Variants in SBNO2 observed in about 807,000 individuals in gnomAD.
SBNO2 encodes protein strawberry notch homolog 2.
A neutral mutation model predicts 146.3 loss-of-function variants in SBNO2; 89 were observed. The ratio of observed to expected loss-of-function variants is 0.61; its 90% CI spans 0.51 to 0.73. The LOEUF (loss-of-function observed/expected upper bound fraction) is 0.73, where lower values mean the gene tolerates loss of function less well. SBNO2 is among the 30% of genes least tolerant of loss of function. SBNO2 has a pLI of 0.00. For missense variants in SBNO2, 2,092 were observed against 2,003.7 expected (o/e 1.04, Z -0.84); for synonymous variants, 1,147 against 892.6 (o/e 1.29, Z -5.08).
At chr19:1,166,614 C>T (rs1051626756) in intron 1 of SBNO2, among the ~76,000 whole-genome samples, 7 of 34,888 alleles carry the variant, frequency 2.0e-4, no homozygotes, top group East Asian at 1.4e-3. Context: ...CGCAACTGCA[C>T]GCGCACACAC....
chr19:1,164,822 AGG>A (rs371506015), intron 1 of SBNO2, among the ~76,000 whole-genome samples: 2 of 622 alleles, frequency 3.2e-3, no homozygotes, highest in African/African-American at 7.2e-3. Flanking sequence ...GAGCAGGAGG[AGG>A]GAGGAGGAAC....
At position 1,108,339 on chromosome 19, in the gene SBNO2, G is replaced by A. The variant is rs775885170; in HGVS notation, c.3982C>T (p.Pro1328Ser). ...DMLRSLHAGP[P>S]SEGALGEGAG... is the part of the protein sequence containing the mutation. ...CCCTCCCCCAGCGCGCCCTCGGAGGGCGGCCCCGCGTGCAGCGAGCGCAGC... is the reference window on the plus strand; with the variant it reads ...CCCTCCCCCAGCGCGCCCTCGGAGGACGGCCCCGCGTGCAGCGAGCGCAGC... Residue 1328 changes from proline to serine, a missense_variant, in exon 32 of 32, where the codon CCC becomes TCC. Transcript: ENST00000361757. 6.2e-5 allele frequency: 83 copies of A among 1,331,856 alleles called. No homozygotes were observed. The highest frequency in any genetic ancestry group is 1.1e-5 in the Non-Finnish European group (11 of 1,038,502). The allele number at this position is 1,331,856 out of a possible 1,614,324, so 82.5% of individuals were successfully genotyped here.
chr19:1,149,217 G>A (rs1294844188), intron 3 of SBNO2, among the ~76,000 whole-genome samples, 152 bp downstream of exon 3: 1 of 150,402 alleles, frequency 6.6e-6, no homozygotes. Flanking sequence ...CTGGCCCGTG[G>A]GGTGGAGCCT....
chr19:1,112,032 C>G lies in SBNO2; in HGVS notation c.2664G>C (p.Glu888Asp). 1 of 1,612,502 alleles carries G rather than the reference C, an allele frequency of 6.2e-7. No homozygotes were observed. The highest frequency in any genetic ancestry group is 8.5e-7 in the Non-Finnish European group (1 of 1,179,768). ...AGTTGTACTTGCTGAGGTCACGGGA[C>G]TCCGTGGCGCGGCGGTCTCCGTGGG... Reference protein sequence around the residue: ...ALTHGDRRATESRDLSKYNFE... With the variant: ...ALTHGDRRATDSRDLSKYNFE... Residue 888 changes from glutamate to aspartate, a missense_variant, in exon 23 of 32, where the codon GAG becomes GAC. Transcript: ENST00000361757. The surrounding 1 kb of genome is among the most constrained non-coding windows in gnomAD (Gnocchi z 5.9).
chr19:1,142,222 T>A (rs2080147142), intron 4 of SBNO2, among the ~76,000 whole-genome samples: 1 of 336 alleles, frequency 3.0e-3, no homozygotes, highest in Non-Finnish European at 8.2e-3. Flanking sequence ...TGATCAACCC[T>A]CCCTCAATGA....
chr19:1,152,724 T>G (rs1188810774), intron 2 of SBNO2, among the ~76,000 whole-genome samples: 1 of 152,126 alleles, frequency 6.6e-6, no homozygotes, highest in Non-Finnish European at 1.5e-5. Flanking sequence ...GAGGATGGAC[T>G]GCCGAGGGGT....
At chr19:1,129,134 G>A (rs1475337726) in intron 4 of SBNO2, among the ~76,000 whole-genome samples, 1 of 152,154 alleles carries the variant, frequency 6.6e-6, no homozygotes, top group Non-Finnish European at 1.5e-5. Context: ...GGGCATGGTG[G>A]TGCGTGCCTG....
intron 1 of SBNO2, among the ~76,000 whole-genome samples, chr19:1,172,775 A>C (rs1387200809): frequency 2.3e-3 from 90 of 39,454 alleles, no homozygotes; most frequent in African/African-American, 8.4e-3. Context: ...ACTCACTGCA[A>C]CCGCCCCCCC....
Position 1,112,358 on chromosome 19 carries a change from T to C in SBNO2, c.2515+44A>G. ...AGGCGGGGGCGGGGCCGAGACCATG[T>C]TGGGGGCGGGGCCAGGCAGCGCTGG... On this transcript the variant is annotated intron_variant, in intron 21 of 31. Transcript: ENST00000361757. The surrounding 1 kb of genome is among the most constrained non-coding windows in gnomAD (Gnocchi z 5.9). 6.4e-7 allele frequency: 1 copy of C among 1,570,374 alleles called. No individual in the cohort carries two copies. Among genetic ancestry groups the C allele is most frequent in the South Asian group, 1.1e-5 (1 of 86,980 alleles).
chr19:1,168,428 C>G (rs1026509530), intron 1 of SBNO2, among the ~76,000 whole-genome samples: 2 of 152,154 alleles, frequency 1.3e-5, no homozygotes, highest in African/African-American at 4.8e-5. Flanking sequence ...GGGCTGGGCC[C>G]CTGCCCCACC....
Position 1,123,975 on chromosome 19 carries a change from G to A in SBNO2, c.489C>T (p.Pro163=). ...RPFAGFEDFL[P]SHSTPLLVSY... is the part of the protein sequence containing the mutation. The stretch of plus-strand genomic sequence containing the variant: ...TGACGAGAAGCGGGGTGCTGTGGGA[G>A]GGCAGAAAGTCCTCGAAGCCTGCAA... The change falls in exon 6 of 32, where the codon CCC becomes CCT. Residue 163 remains proline (P), a synonymous_variant. Coordinates refer to ENST00000361757, the MANE Select transcript of SBNO2 (RefSeq NM_014963.3). The A allele has an allele frequency of 6.2e-7, 1 of 1,612,090 alleles. No individual in the cohort carries two copies. The highest frequency in any genetic ancestry group is 1.3e-5 in the African/African-American group (1 of 75,006).
chr19:1,115,953 C>T (rs1219780806), intron 17 of SBNO2, 68 bp downstream of exon 17: 3 of 1,333,230 alleles, frequency 2.3e-6, no homozygotes, highest in Admixed American at 4.0e-5. Flanking sequence ...CAGGGAGCGA[C>T]CAGCCAGCCC....
chr19:1,132,036 C>T, intron 4 of SBNO2: 1 of 1,378,414 alleles, frequency 7.3e-7, no homozygotes. Flanking sequence ...TGGGGTCCCA[C>T]CTCCCAGACC....
At chr19:1,133,332 G>A (rs952335929) in intron 4 of SBNO2, among the ~76,000 whole-genome samples, 1 of 152,186 alleles carries the variant, frequency 6.6e-6, no homozygotes, top group Admixed American at 6.5e-5. Flanking sequence ...GCCCCGAGAG[G>A]CCAGGGGAGC....
rs369680089 is a variant in SBNO2, at chr19:1,145,936, C to T, written c.279+1373G>A. On this transcript the variant is annotated intron_variant, in intron 4 of 31. Transcript: ENST00000361757. ...ACACTGGGGGCTACAGGACAGGAAT[C>T]CACCCTCTTCCCGTCCCAGGGCCCG... Among the ~76,000 whole-genome samples, 208 of 152,240 alleles carry T rather than the reference C, an allele frequency of 1.4e-3. No homozygotes were observed. In the Middle Eastern group the frequency reaches 0.017, roughly 12 times the overall value.
chr19:1,172,226 G>GCGTCTCCTCTGC (rs1226339160), intron 1 of SBNO2, among the ~76,000 whole-genome samples: 1 of 152,220 alleles, frequency 6.6e-6, no homozygotes, highest in African/African-American at 2.4e-5. Context: ...GAGCCTGCCT[G>GCGTCTCCTCTGC]CGTCTCCTCT....
chr19:1,111,053 C>A lies in SBNO2; in HGVS notation c.2850G>T (p.Arg950=). The part of the protein sequence containing the change: ...QGLLSVGIGG[R]ESRNGCLDVE... Reference sequence around the variant, plus strand: ...CGTCCAGGCAGCCATTCCGGGACTCCCGGCCACCAATGCCCACAGACAGCA... The same window carrying A: ...CGTCCAGGCAGCCATTCCGGGACTCACGGCCACCAATGCCCACAGACAGCA... Residue 950 remains arginine (R), a synonymous_variant, in exon 25 of 32, where the codon CGG becomes CGT. Coordinates refer to ENST00000361757, the MANE Select transcript of SBNO2 (RefSeq NM_014963.3). 1 of 1,567,234 alleles carries A rather than the reference C, an allele frequency of 6.4e-7. No individual in the cohort carries two copies. The highest frequency in any genetic ancestry group is 8.6e-7 in the Non-Finnish European group (1 of 1,157,096).
chr19:1,162,768 G>A lies in SBNO2; in HGVS notation c.-126-8366C>T, dbSNP rs1045261798. On this transcript the variant is annotated intron_variant, in intron 1 of 31. Coordinates refer to ENST00000361757, the MANE Select transcript of SBNO2 (RefSeq NM_014963.3). ...ACAGAGAAACGGAGACCAGGAACCTGACGCTGGTTTCCCTAGCCCATGTGA... is the reference window on the plus strand; with the variant it reads ...ACAGAGAAACGGAGACCAGGAACCTAACGCTGGTTTCCCTAGCCCATGTGA... Among the ~76,000 whole-genome samples the A allele has an allele frequency of 9.9e-5, 15 of 152,208 alleles. 1 individual carries two copies. Among genetic ancestry groups the A allele is most frequent in the African/African-American group, 3.4e-4 (14 of 41,438 alleles).
At chr19:1,114,165 G>A (rs1478032795) in intron 18 of SBNO2, 66 bp downstream of exon 18, 2 of 1,335,582 alleles carry the variant, frequency 1.5e-6, no homozygotes, top group East Asian at 5.9e-5. Flanking sequence ...TGACCCAGAG[G>A]TGGCTGCTCA....
Sources: allele counts gnomAD v4.1 joint callset (sites outside exome capture counted in the v4.1 genomes callset), GRCh38; gene constraint gnomAD v4.1.1; non-coding constraint Gnocchi (gnomAD v3.1); transcripts MANE v1.5; gene names NCBI Gene and HGNC (gene_info 2026-07-23, HGNC 2026-07-21).